Variants in ZBTB25 observed in about 807,000 individuals in gnomAD.
The protein encoded by ZBTB25 is zinc finger and BTB domain-containing protein 25.
A neutral mutation model predicts 34.2 loss-of-function variants in ZBTB25; 20 were observed. That is an observed-to-expected ratio of 0.58 (90% CI 0.41 to 0.85). The LOEUF (loss-of-function observed/expected upper bound fraction) is 0.85, where lower values mean the gene tolerates loss of function less well. Among genes scored for constraint, ZBTB25 ranks in the 40% least tolerant of loss-of-function variants. The pLI, the probability that ZBTB25 is intolerant of heterozygous loss-of-function variation, is 0.00. For synonymous variants in ZBTB25, 175 were observed against 186.4 expected, an observed-to-expected ratio of 0.94 and a Z score of 0.50; for missense variants, 437 against 521.8, an observed-to-expected ratio of 0.84 and a Z score of 1.58.
At chr14:64,459,834 A>G (rs764603635) in intron 2 of ZBTB25, 47 of 1,535,912 alleles carry the variant, frequency 3.1e-5, no homozygotes, top group Non-Finnish European at 3.7e-5. Context: ...GTTAGGAAGT[A>G]TAAGTAAGCC....
At chr14:64,493,844 C>CA (rs34544996) in intron 1 of ZBTB25, among the ~76,000 whole-genome samples, 33,100 of 134,872 alleles carry the variant, frequency 0.25, 4,254 homozygotes, top group Non-Finnish European at 0.32. Flanking sequence ...GACCCCACCT[C>CA]AAAAAAAAAA....
chr14:64,467,284 TACC>T (rs1313244761), intron 2 of ZBTB25: 2 of 152,268 alleles, frequency 1.3e-5, no homozygotes, highest in Non-Finnish European at 2.9e-5. Flanking sequence ...TACGTGGTGA[TACC>T]ACCATCTTTG....
intron 2 of ZBTB25, chr14:64,469,967 A>G (rs983302252): frequency 1.1e-5 from 3 of 268,500 alleles, no homozygotes; most frequent in Admixed American, 5.1e-5. Context: ...TTGGGGGAGG[A>G]AGGTGTATTT....
At position 64,485,425 on chromosome 14, in the gene ZBTB25, CAGAAACAATTT is replaced by C; in HGVS notation, c.*1487_*1497del. ...TGCGGGGTTTGAAATTTAAACATTT[CAGAAACAATTT>C]AGATCTATCCTTTGTGGTGAAGCTT... is the stretch of plus-strand genomic sequence containing the variant. On this transcript the variant is annotated 3_prime_UTR_variant, in exon 3 of 3. Transcript: ENST00000608382. 1 of 985,420 alleles carries C rather than the reference CAGAAACAATTT, an allele frequency of 1.0e-6. No individual in the cohort carries two copies. The highest frequency in any genetic ancestry group is 1.2e-6 in the Non-Finnish European group (1 of 829,930). 61.0% of individuals were successfully genotyped at this position (985,420 alleles called of 1,614,324 possible). A position where few individuals can be genotyped will look rare whatever the true frequency, so the allele number is the denominator to read the frequency against.
chr14:64,501,056 A>C (rs986379141), intron 1 of ZBTB25, among the ~76,000 whole-genome samples: 2 of 152,136 alleles, frequency 1.3e-5, no homozygotes, highest in Non-Finnish European at 2.9e-5. Context: ...GTCTCAAAAA[A>C]CAAACAAACA....
rs2078813233 is a variant in ZBTB25, at chr14:64,483,136, T to G, written c.*3787A>C. The G allele has an allele frequency of 6.6e-6, 1 of 152,220 alleles. No homozygotes were observed. The highest frequency in any genetic ancestry group is 2.1e-4 in the South Asian group (1 of 4,838). The allele number at this position is 152,220 out of a possible 1,614,324, so 9.4% of individuals were successfully genotyped here. A position where few individuals can be genotyped will look rare whatever the true frequency, so the allele number is the denominator to read the frequency against. On this transcript the variant is annotated 3_prime_UTR_variant, in exon 3 of 3. Transcript: ENST00000608382. ...AAGGGGAAAATGTTTAGTATCTGCC[T>G]GATACACACGAAAGTGCATATGACA...
intron 1 of ZBTB25, among the ~76,000 whole-genome samples, chr14:64,496,860 C>T (rs535372212): frequency 4.6e-5 from 7 of 152,284 alleles, no homozygotes; most frequent in Non-Finnish European, 1.0e-4. Context: ...ACTTTGAGAA[C>T]CACTGCCCTA....
chr14:64,476,225 T>C (rs1321780335), downstream of ZBTB25, among the ~76,000 whole-genome samples: 2 of 152,218 alleles, frequency 1.3e-5, no homozygotes, highest in Admixed American at 1.3e-4. Flanking sequence ...TAATCAAATA[T>C]ATATAAATTA....
At position 64,480,381 on chromosome 14, in the gene ZBTB25, G is replaced by A. The variant is rs965301237; in HGVS notation, c.*6542C>T. ...AAGCAAGAAACTTCTGGGAAATGAC[G>A]AAATACTACCTTTCTTTCCAGAGAC... On this transcript the variant is annotated 3_prime_UTR_variant, in exon 3 of 3. Transcript: ENST00000608382. 1.6e-5 allele frequency: 6 copies of A among 376,232 alleles called. No homozygotes were observed. Among genetic ancestry groups the A allele is most frequent in the Admixed American group, 7.4e-5 (2 of 27,184 alleles). The allele number at this position is 376,232 out of a possible 1,614,324, so 23.3% of individuals were successfully genotyped here.
chr14:64,494,234 C>A (rs776706871), intron 1 of ZBTB25, among the ~76,000 whole-genome samples: 9 of 152,134 alleles, frequency 5.9e-5, no homozygotes, highest in African/African-American at 2.2e-4. Flanking sequence ...GGGTGAGGCC[C>A]ATTACAAACA....
intron 2 of ZBTB25, among the ~76,000 whole-genome samples, chr14:64,451,479 T>C (rs1179699668): frequency 6.6e-6 from 1 of 152,238 alleles, no homozygotes; most frequent in Non-Finnish European, 1.5e-5. Flanking sequence ...ACATTGACAT[T>C]CTCCTGTTGA....
At chr14:64,498,851 G>C (rs957778563) in intron 1 of ZBTB25, among the ~76,000 whole-genome samples, 3 of 150,574 alleles carry the variant, frequency 2.0e-5, no homozygotes, top group African/African-American at 7.4e-5. Context: ...AGCCAGGATG[G>C]TCTCGATTTC....
chr14:64,471,112 C>G (rs543618611), intron 2 of ZBTB25: 1 of 166,092 alleles, frequency 6.0e-6, no homozygotes, highest in East Asian at 1.9e-4. Flanking sequence ...AAGCATTTTA[C>G]ATGAATATTG....
chr14:64,449,259 G>A (rs2078333663), exon 3 of ZBTB25: 1 of 670,926 alleles, frequency 1.5e-6, no homozygotes, highest in East Asian at 2.7e-5. Context: ...GGCACATAAA[G>A]ATTAGGTAAC....
intron 2 of ZBTB25, chr14:64,463,312 T>C (rs2140998908): frequency 6.6e-6 from 1 of 151,510 alleles, no homozygotes; most frequent in Admixed American, 6.6e-5. Context: ...GTGCGCTATG[T>C]TATTTATAGT....
intron 1 of ZBTB25, among the ~76,000 whole-genome samples, chr14:64,500,454 CAAAAAA>C (rs374975040): frequency 4.4e-4 from 23 of 52,076 alleles, no homozygotes; most frequent in South Asian, 2.2e-3. Context: ...CCCAATAAAG[CAAAAAA>C]AAAAAAAAAA....
rs142898057 is a variant in ZBTB25, at chr14:64,454,959, A to T, written c.174-5321T>A. 3.9e-4 allele frequency: 541 copies of T among 1,396,204 alleles called. 2 individuals carry two copies. The African/African-American group carries it at 7.1e-3, about 18-fold the overall frequency. 86.5% of individuals were successfully genotyped at this position (1,396,204 alleles called of 1,614,324 possible). On this transcript the variant is annotated intron_variant, in intron 2 of 2. Coordinates refer to the ZBTB25 transcript ENST00000555220. ...TGCCGAAACCATCAAGCAAATGCCA[A>T]GTGAGCAGAGTTCACTGCCCAGAAG...
intron 2 of ZBTB25, chr14:64,463,589 A>G (rs1245334612): frequency 6.6e-6 from 1 of 151,716 alleles, no homozygotes. Flanking sequence ...TCAGGAGTTC[A>G]AGACCAGCCT....
At chr14:64,488,553 T>C (rs1159906180) in intron 2 of ZBTB25, among the ~76,000 whole-genome samples, 1 of 152,174 alleles carries the variant, frequency 6.6e-6, no homozygotes, top group Non-Finnish European at 1.5e-5. Context: ...AAACACAAGA[T>C]GGCTTACACA....
Sources: gnomAD v4.1 joint callset for allele counts (sites outside exome capture counted in the v4.1 genomes callset) on GRCh38, gnomAD v4.1.1 for gene constraint, MANE v1.5 for transcripts, NCBI Gene and HGNC (gene_info 2026-07-23, HGNC 2026-07-21) for gene names.